Variants in PTGER3 observed in about 807,000 individuals in gnomAD.
The protein encoded by PTGER3 is prostaglandin E2 receptor EP3 subtype.
Under a neutral mutation model 34.7 loss-of-function variants are expected in PTGER3, and 22 were observed. The ratio of observed to expected loss-of-function variants is 0.63; its 90% CI spans 0.45 to 0.91. The LOEUF (loss-of-function observed/expected upper bound fraction) is 0.91, where lower values mean the gene tolerates loss of function less well. Among genes scored for constraint, PTGER3 ranks in the 40% least tolerant of loss-of-function variants. The pLI, the probability that PTGER3 is intolerant of heterozygous loss-of-function variation, is 0.00. For missense variants in PTGER3, 468 were observed against 519.4 expected (o/e 0.90, Z 0.96); for synonymous variants, 241 against 230.1 (o/e 1.05, Z -0.43).
At chr1:70,983,633 G>C (rs1049953336) in intron 2 of PTGER3, among the ~76,000 whole-genome samples, 15 of 152,232 alleles carry the variant, frequency 9.9e-5, no homozygotes, top group South Asian at 2.1e-4. Flanking sequence ...ATATGTCAAA[G>C]GGAGATATTT....
chr1:71,014,002 T>A (rs999472104), intron 1 of PTGER3, among the ~76,000 whole-genome samples: 5 of 152,210 alleles, frequency 3.3e-5, no homozygotes, highest in African/African-American at 1.2e-4. Flanking sequence ...AATATGTTGA[T>A]TCCATAATGG....
intron 4 of PTGER3, among the ~76,000 whole-genome samples, chr1:70,931,955 G>A (rs902480445): frequency 6.6e-6 from 1 of 152,114 alleles, no homozygotes; most frequent in African/African-American, 2.4e-5. Flanking sequence ...TGCATTGTCA[G>A]GCTACAACTT....
chr1:70,852,500 C>T (rs563872029), exon 5 of PTGER3: 1 of 337,408 alleles, frequency 3.0e-6, no homozygotes, highest in South Asian at 3.8e-5. Context: ...TTAAAATTAA[C>T]GATTTAGAGC....
intron 1 of PTGER3, among the ~76,000 whole-genome samples, chr1:71,033,380 C>T (rs2817863): frequency 1.3e-5 from 2 of 152,314 alleles, no homozygotes; most frequent in African/African-American, 4.8e-5. Flanking sequence ...CCCACACATA[C>T]CTTTCTGCAA....
chr1:70,865,815 A>G (rs1409986), intron 4 of PTGER3: 1,263,998 of 1,364,008 alleles, frequency 0.93, 586,137 homozygotes, highest in East Asian at 1. Flanking sequence ...ATCACAGTAG[A>G]GGTGGGAAGA....
intron 1 of PTGER3, among the ~76,000 whole-genome samples, chr1:71,026,562 A>G (rs1174758248): frequency 6.6e-6 from 1 of 151,974 alleles, no homozygotes; most frequent in Non-Finnish European, 1.5e-5. Flanking sequence ...GGAAAATTAT[A>G]ATGTGTTCAT....
intron 4 of PTGER3, chr1:70,865,781 T>C: frequency 7.3e-7 from 1 of 1,367,244 alleles, no homozygotes; most frequent in South Asian, 1.1e-5. Flanking sequence ...ACGGAAGGGC[T>C]GAGCACAGAA....
At position 71,047,660 on chromosome 1, in the gene PTGER3, C is replaced by A. The variant is rs1660987860; in HGVS notation, c.-83G>T. ...ACGCGGCGCGGGCGGCGGCGGAGGT[C>A]GGCGTTTACCGCGGCTGGGGCTGGG... On this transcript the variant is annotated 5_prime_UTR_variant, in exon 1 of 4. Transcript: ENST00000306666. 2.1e-6 allele frequency: 3 copies of A among 1,418,364 alleles called. No homozygotes were observed. The highest frequency in any genetic ancestry group is 1.9e-6 in the Non-Finnish European group (2 of 1,071,560). The allele number at this position is 1,418,364 out of a possible 1,614,324, so 87.9% of individuals were successfully genotyped here. A position where few individuals can be genotyped will look rare whatever the true frequency, so the allele number is the denominator to read the frequency against.
chr1:70,911,631 CA>C (rs978486488), intron 4 of PTGER3, among the ~76,000 whole-genome samples: 3 of 152,012 alleles, frequency 2.0e-5, no homozygotes, highest in Non-Finnish European at 4.4e-5. Context: ...AAAGTGACGA[CA>C]TTTTTTTAAG....
intron 1 of PTGER3, among the ~76,000 whole-genome samples, chr1:71,020,903 C>G (rs1346187500): frequency 6.6e-6 from 1 of 152,078 alleles, no homozygotes; most frequent in Non-Finnish European, 1.5e-5. Flanking sequence ...TTCACACACA[C>G]TTACTGTGTA....
At chr1:70,857,745 A>G (rs1024285413) in intron 4 of PTGER3, among the ~76,000 whole-genome samples, 2 of 152,114 alleles carry the variant, frequency 1.3e-5, no homozygotes, top group African/African-American at 4.8e-5. Context: ...TGTGTTAGCC[A>G]GGATGGTCTC....
intron 1 of PTGER3, among the ~76,000 whole-genome samples, chr1:71,024,931 T>G (rs1171040696): frequency 6.6e-6 from 1 of 151,024 alleles, no homozygotes; most frequent in Non-Finnish European, 1.5e-5. Context: ...TTATTATACT[T>G]TAAGTTTTAG....
chr1:71,008,289 A>T, intron 2 of PTGER3: 1 of 891,320 alleles, frequency 1.1e-6, no homozygotes, highest in Non-Finnish European at 1.3e-6. Flanking sequence ...CAGTAAAGAA[A>T]ATGTGTGACA....
chr1:70,970,996 A>G lies in PTGER3; in HGVS notation c.*734T>C. 1 of 985,362 alleles carries G rather than the reference A, an allele frequency of 1.0e-6. No individual in the cohort carries two copies. The highest frequency in any genetic ancestry group is 1.2e-6 in the Non-Finnish European group (1 of 829,912). The allele number at this position is 985,362 out of a possible 1,614,324, so 61.0% of individuals were successfully genotyped here. A position where few individuals can be genotyped will look rare whatever the true frequency, so the allele number is the denominator to read the frequency against. On this transcript the variant is annotated 3_prime_UTR_variant, in exon 4 of 4. Coordinates refer to ENST00000306666, the MANE Select transcript of PTGER3 (RefSeq NM_198719.2). ...TTTTTATCACTCTAACTGCGCAGCT[A>G]ATCATTCAACCTCAAATTTGTTTTT...
At chr1:71,044,508 A>G (rs373610954) in intron 1 of PTGER3, among the ~76,000 whole-genome samples, 5 of 151,992 alleles carry the variant, frequency 3.3e-5, no homozygotes, top group African/African-American at 1.2e-4. Context: ...TGTTTTTATA[A>G]TTGAATTAAT....
intron 4 of PTGER3, among the ~76,000 whole-genome samples, chr1:70,922,557 C>A (rs1450373546): frequency 6.6e-6 from 1 of 152,014 alleles, no homozygotes; most frequent in Non-Finnish European, 1.5e-5. Flanking sequence ...CCCTTATCTG[C>A]ACTTCTGTCT....
At chr1:70,916,577 T>G (rs553938118) in intron 4 of PTGER3, among the ~76,000 whole-genome samples, 12 of 152,124 alleles carry the variant, frequency 7.9e-5, no homozygotes, top group Admixed American at 2.6e-4. Context: ...TCATTTCCTT[T>G]GCAGCAACTG....
chr1:70,976,322 T>G (rs141079618), intron 2 of PTGER3, among the ~76,000 whole-genome samples: 40 of 152,196 alleles, frequency 2.6e-4, no homozygotes, highest in African/African-American at 8.7e-4. Flanking sequence ...GAGTGAACCC[T>G]AATGTAAACT....
intron 2 of PTGER3, among the ~76,000 whole-genome samples, chr1:70,962,320 C>T (rs1048573918): frequency 2.0e-5 from 3 of 152,136 alleles, no homozygotes; most frequent in African/African-American, 7.2e-5. Context: ...GAAAAGGTTA[C>T]AACAATCATC....
Sources: allele counts gnomAD v4.1 joint callset (sites outside exome capture counted in the v4.1 genomes callset), GRCh38; gene constraint gnomAD v4.1.1; transcripts MANE v1.5; gene names NCBI Gene and HGNC (gene_info 2026-07-23, HGNC 2026-07-21).